The following GASK1B variants were observed in gnomAD, a reference collection of about 807,000 sequenced individuals.
The protein encoded by GASK1B is golgi associated kinase 1B.
Under a neutral mutation model 42.8 loss-of-function variants are expected in GASK1B, and 34 were observed. The ratio of observed to expected loss-of-function variants is 0.79; its 90% CI spans 0.60 to 1.06. The LOEUF (loss-of-function observed/expected upper bound fraction) is 1.06, where lower values mean the gene tolerates loss of function less well. GASK1B is among the 50% of genes least tolerant of loss of function. The pLI, the probability that GASK1B is intolerant of heterozygous loss-of-function variation, is 0.00. For missense variants in GASK1B, 686 were observed against 661.0 expected (o/e 1.04, Z -0.42); for synonymous variants, 262 against 259.1 (o/e 1.01, Z -0.11).
chr4:158,148,386 A>C (rs1429225302), intron 3 of GASK1B, among the ~76,000 whole-genome samples: 1 of 152,198 alleles, frequency 6.6e-6, no homozygotes, highest in African/African-American at 2.4e-5. Flanking sequence ...ATACCTTACT[A>C]TTGAATTTGT....
intron 2 of GASK1B, among the ~76,000 whole-genome samples, chr4:158,160,849 A>G (rs1731950199): frequency 6.6e-6 from 1 of 152,214 alleles, no homozygotes; most frequent in African/African-American, 2.4e-5. Context: ...AAGCAAAATA[A>G]TACAGGCACA....
chr4:158,126,979 A>T lies in GASK1B; in HGVS notation c.*428T>A, dbSNP rs916302299. The T allele has an allele frequency of 6.2e-6, 1 of 161,710 alleles. No individual in the cohort carries two copies. Among genetic ancestry groups the T allele is most frequent in the African/African-American group, 2.4e-5 (1 of 41,536 alleles). 10.0% of individuals were successfully genotyped at this position (161,710 alleles called of 1,614,324 possible). On this transcript the variant is annotated 3_prime_UTR_variant, in exon 5 of 5. Transcript: ENST00000585682. ...GACTGCTCTATGTTAACAATCAGCAACAGAAAAACGTCAAGAATTGTTCCC... is the reference window on the plus strand; with the variant it reads ...GACTGCTCTATGTTAACAATCAGCATCAGAAAAACGTCAAGAATTGTTCCC...
chr4:158,156,528 T>C, intron 2 of GASK1B, among the ~76,000 whole-genome samples: 1 of 152,192 alleles, frequency 6.6e-6, no homozygotes, highest in East Asian at 1.9e-4. Flanking sequence ...TCACTCAATT[T>C]GTTTTGTCTC....
At chr4:158,140,440 A>G (rs975704669) in intron 3 of GASK1B, among the ~76,000 whole-genome samples, 87 of 152,220 alleles carry the variant, frequency 5.7e-4, no homozygotes, top group Non-Finnish European at 3.1e-4. Context: ...CTTCTTCATT[A>G]GCCAATAATG....
In GASK1B at chr4:158,171,518, G is replaced by A; in HGVS notation, c.-143C>T. ...CAGTGGGCAGAGGTGGAAGGAAAGG[G>A]TTGGTGATGAAGCTGGGAATGTTTC... is the stretch of plus-strand genomic sequence containing the variant. On this transcript the variant is annotated 5_prime_UTR_variant, in exon 2 of 5. Transcript: ENST00000585682. The A allele has an allele frequency of 5.0e-6, 4 of 807,478 alleles. No homozygotes were observed. The highest frequency in any genetic ancestry group is 7.3e-6 in the Non-Finnish European group (4 of 550,966). 50.0% of individuals were successfully genotyped at this position (807,478 alleles called of 1,614,324 possible).
chr4:158,129,671 C>T (rs1730601057), intron 4 of GASK1B, among the ~76,000 whole-genome samples: 1 of 152,084 alleles, frequency 6.6e-6, no homozygotes, highest in South Asian at 2.1e-4. Context: ...AAAAAAAATA[C>T]TGGACTTGGA....
intron 3 of GASK1B, among the ~76,000 whole-genome samples, chr4:158,140,841 A>G (rs1579018484): frequency 6.6e-6 from 1 of 152,254 alleles, no homozygotes; most frequent in East Asian, 1.9e-4. Context: ...CATACTAACT[A>G]TGCACTGATC....
In GASK1B at chr4:158,171,578, C is replaced by A; in HGVS notation, c.-203G>T. ...AAACCTTTTAAATTATCAGTCTCCC[C>A]AAGGAGAAATGCGGCTTGTTTCTGG... On this transcript the variant is annotated 5_prime_UTR_variant, in exon 2 of 5. Coordinates refer to ENST00000585682, the MANE Select transcript of GASK1B (RefSeq NM_001128424.2). The A allele has an allele frequency of 2.1e-6, 1 of 471,878 alleles. No individual in the cohort carries two copies. The highest frequency in any genetic ancestry group is 3.6e-6 in the Non-Finnish European group (1 of 277,776). The allele number at this position is 471,878 out of a possible 1,614,324, so 29.2% of individuals were successfully genotyped here. A position where few individuals can be genotyped will look rare whatever the true frequency, so the allele number is the denominator to read the frequency against.
In GASK1B at chr4:158,125,334, G is replaced by A. The variant is rs1424505213; in HGVS notation, c.*2073C>T. On this transcript the variant is annotated 3_prime_UTR_variant, in exon 5 of 5. Coordinates refer to ENST00000585682, the MANE Select transcript of GASK1B (RefSeq NM_001128424.2). ...GCTGCCCAACAGCATTGTAGCTTGAGACTCAAAGTTAAAGCCAGCTTCTAA... is the reference window on the plus strand; with the variant it reads ...GCTGCCCAACAGCATTGTAGCTTGAAACTCAAAGTTAAAGCCAGCTTCTAA... 1 of 151,882 alleles carries A rather than the reference G, an allele frequency of 6.6e-6. No individual in the cohort carries two copies. The highest frequency in any genetic ancestry group is 1.5e-5 in the Non-Finnish European group (1 of 67,994). The allele number at this position is 151,882 out of a possible 1,614,324, so 9.4% of individuals were successfully genotyped here.
chr4:158,128,986 T>C (rs1000552382), intron 4 of GASK1B, among the ~76,000 whole-genome samples: 3 of 152,200 alleles, frequency 2.0e-5, no homozygotes, highest in Non-Finnish European at 2.9e-5. Flanking sequence ...TTAAAACCAT[T>C]AGATCTCTTT....
chr4:158,140,785 C>T (rs1731084895), intron 3 of GASK1B, among the ~76,000 whole-genome samples: 1 of 152,198 alleles, frequency 6.6e-6, no homozygotes, highest in Non-Finnish European at 1.5e-5. Flanking sequence ...TCAAGTCTCT[C>T]ATCTTTCTAG....
chr4:158,137,497 G>A (rs951918378), intron 3 of GASK1B, among the ~76,000 whole-genome samples: 5 of 152,106 alleles, frequency 3.3e-5, no homozygotes, highest in Admixed American at 6.5e-5. Flanking sequence ...AACTTACACT[G>A]GAAAATCCCT....
At chr4:158,161,243 T>C (rs1431000103) in intron 2 of GASK1B, among the ~76,000 whole-genome samples, 1 of 152,166 alleles carries the variant, frequency 6.6e-6, no homozygotes, top group African/African-American at 2.4e-5. Flanking sequence ...TAAACATATA[T>C]CAAATAATCA....
Position 158,141,597 on chromosome 4 carries a change from C to CATTTTTTTTTTTTTT in GASK1B, c.1126-10586_1126-10585insAAAAAAAAAAAAAAT, listed in dbSNP as rs1553958620. 3.5e-5 allele frequency among the ~76,000 whole-genome samples: 4 copies of CATTTTTTTTTTTTTT among 113,694 alleles called. 2 individuals carry two copies. The allele number at this position is 113,694 out of a possible 152,430, so 74.6% of individuals were successfully genotyped here. ...CATAGGTCAGTGCCTTTGTATTTAC[C>CATTTTTTTTTTTTTT]TTTTTTTTTTTTTTTTTTTTTTTTT... is the stretch of plus-strand genomic sequence containing the variant. On this transcript the variant is annotated intron_variant, in intron 3 of 4. Transcript: ENST00000585682.
At chr4:158,154,552 T>G (rs553844023) in intron 3 of GASK1B, among the ~76,000 whole-genome samples, 1 of 152,178 alleles carries the variant, frequency 6.6e-6, no homozygotes, top group Non-Finnish European at 1.5e-5. Flanking sequence ...AAAAAGACAC[T>G]TGCACATGCA....
In GASK1B at chr4:158,170,741, G is replaced by T. The variant is rs533802375; in HGVS notation, c.635C>A (p.Ala212Asp). 1.6e-5 allele frequency: 26 copies of T among 1,614,252 alleles called. No homozygotes were observed. The East Asian group carries it at 5.6e-4, about 35-fold the overall frequency. The change falls in exon 2 of 5, where the codon GCC (alanine) becomes GAC (aspartate). Residue 212 changes from alanine (A) to aspartate (D), a missense_variant. By Grantham distance (126) the Ala-to-Asp change is moderately radical. Coordinates refer to ENST00000585682, the MANE Select transcript of GASK1B (RefSeq NM_001128424.2). ...GTCATCTTTGCTCAGCCAGGAGGGG[G>T]CGCTCTCGCTGTAGATCCTAATGTT... ...ESNIRIYSES[A>D]PSWLSKDDIR... is the part of the protein sequence containing the mutation.
At chr4:158,132,776 G>A (rs552746069) in intron 3 of GASK1B, among the ~76,000 whole-genome samples, 1 of 152,272 alleles carries the variant, frequency 6.6e-6, no homozygotes, top group African/African-American at 2.4e-5. Flanking sequence ...TCACAGAAAA[G>A]GAGGGTTCTG....
At chr4:158,142,758 T>A (rs995044050) in intron 3 of GASK1B, among the ~76,000 whole-genome samples, 1 of 152,114 alleles carries the variant, frequency 6.6e-6, no homozygotes, top group Non-Finnish European at 1.5e-5. Context: ...AAATCTAAAT[T>A]TGATCATCAA....
At chr4:158,133,426 T>C (rs1313508096) in intron 3 of GASK1B, among the ~76,000 whole-genome samples, 1 of 152,218 alleles carries the variant, frequency 6.6e-6, no homozygotes, top group African/African-American at 2.4e-5. Context: ...AAACCCTTAG[T>C]TCTTCCATCA....
Sources: allele counts gnomAD v4.1 joint callset (sites outside exome capture counted in the v4.1 genomes callset), GRCh38; gene constraint gnomAD v4.1.1; transcripts MANE v1.5; gene names NCBI Gene and HGNC (gene_info 2026-07-23, HGNC 2026-07-21).